CORIN: variants seen among roughly 807,000 people sequenced by gnomAD.
CORIN encodes the protein atrial natriuretic peptide-converting enzyme.
Under a neutral mutation model 125.3 loss-of-function variants are expected in CORIN, and 117 were observed. The ratio of observed to expected loss-of-function variants is 0.93; its 90% CI spans 0.80 to 1.09. The LOEUF (loss-of-function observed/expected upper bound fraction) is 1.09, where lower values mean the gene tolerates loss of function less well. CORIN is among the 50% of genes least tolerant of loss of function. CORIN has a pLI of 0.00. For synonymous variants in CORIN, 450 were observed against 466.4 expected, an observed-to-expected ratio of 0.96 and a Z score of 0.45; for missense variants, 1,253 against 1,306.7, an observed-to-expected ratio of 0.96 and a Z score of 0.63.
intron 6 of CORIN, among the ~76,000 whole-genome samples, chr4:47,686,519 A>G: frequency 6.6e-6 from 1 of 152,184 alleles, no homozygotes; most frequent in East Asian, 1.9e-4. Context: ...TGAGGCTACA[A>G]CACATGTGAC....
chr4:47,662,879 G>A (rs758940446), intron 11 of CORIN, among the ~76,000 whole-genome samples: 3 of 152,146 alleles, frequency 2.0e-5, no homozygotes, highest in Non-Finnish European at 4.4e-5. Context: ...ACAAAGCTCA[G>A]CATAACTCAA....
At chr4:47,795,230 T>A (rs996178672) in intron 2 of CORIN, among the ~76,000 whole-genome samples, 6 of 152,162 alleles carry the variant, frequency 3.9e-5, no homozygotes, top group Non-Finnish European at 7.4e-5. Context: ...ATTTGATGCC[T>A]CTATCTTTGT....
rs114077012 is a variant in CORIN at position 47,598,061 on chromosome 4, C to T, written c.2946+2153G>A. Among the ~76,000 whole-genome samples the T allele has an allele frequency of 3.0e-3, 458 of 152,152 alleles. 4 individuals are homozygous for T. The highest frequency in any genetic ancestry group is 0.011 in the African/African-American group (444 of 41,514). ...TAAGTGCAAAATGAAAGGTGAAAAG[C>T]AAGCAATTAAAAATGAAAGGGAGAC... On this transcript the variant is annotated intron_variant, in intron 21 of 21. Transcript: ENST00000273857.
At chr4:47,784,199 TA>T (rs1382086961) in intron 3 of CORIN, among the ~76,000 whole-genome samples, 1 of 152,208 alleles carries the variant, frequency 6.6e-6, no homozygotes, top group Non-Finnish European at 1.5e-5. Context: ...AAAAGTTCTA[TA>T]ATCACAGGCT....
intron 20 of CORIN, 54 bp from the exon 21 acceptor site, chr4:47,600,401 G>T: frequency 8.4e-7 from 1 of 1,196,002 alleles, no homozygotes; most frequent in Admixed American, 2.2e-5. Context: ...ACTCAAAAGT[G>T]AGGCTAGTGA....
At chr4:47,732,806 A>G (rs1727942608) in intron 5 of CORIN, among the ~76,000 whole-genome samples, 1 of 152,004 alleles carries the variant, frequency 6.6e-6, no homozygotes, top group Non-Finnish European at 1.5e-5. Flanking sequence ...CAAGTGATCC[A>G]CCATCCTTGG....
chr4:47,821,508 G>T (rs1030313403), intron 1 of CORIN, among the ~76,000 whole-genome samples: 41 of 151,644 alleles, frequency 2.7e-4, no homozygotes. Context: ...CTGTCTGAAT[G>T]TTTAATATTT....
At position 47,665,047 on chromosome 4, in the gene CORIN, T is replaced by C. The variant is rs11934749; in HGVS notation, c.1574A>G (p.His525Arg). ...VPKCDVNTGE[H>R]IPPCRALCEH... ...ATCATATTACCTGCAAGGAGGGATA[T>C]GCTCGCCTGTATTCACATCACATTT... is the stretch of plus-strand genomic sequence containing the variant. Residue 525 changes from histidine (H) to arginine (R), a missense_variant, in exon 11 of 22, where the codon CAT becomes CGT. Transcript: ENST00000273857. The C allele has an allele frequency of 0.87, 1,395,785 of 1,606,500 alleles. 608,342 individuals carry two copies. The highest frequency in any genetic ancestry group is 0.98 in the African/African-American group (73,125 of 74,870).
chr4:47,814,309 C>T (rs991804274), intron 1 of CORIN, among the ~76,000 whole-genome samples: 21 of 152,226 alleles, frequency 1.4e-4, no homozygotes, highest in African/African-American at 4.3e-4. Context: ...ACTCTACTTG[C>T]GGCTAGATAT....
In CORIN at chr4:47,737,476, A is replaced by G. The variant is rs182414135; in HGVS notation, c.799+6926T>C. Among the ~76,000 whole-genome samples the G allele has an allele frequency of 2.1e-3, 324 of 152,318 alleles. 1 individual carries two copies. The highest frequency in any genetic ancestry group is 7.3e-3 in the African/African-American group (305 of 41,568). On this transcript the variant is annotated intron_variant, in intron 5 of 21. Transcript: ENST00000273857. ...CTCTTCCCAGGAAGGACCACATCCA[A>G]TGACTGATTGAGGTGGAGACACATA... is the stretch of plus-strand genomic sequence containing the variant.
At chr4:47,695,438 T>C (rs903842570) in intron 5 of CORIN, among the ~76,000 whole-genome samples, 2 of 152,080 alleles carry the variant, frequency 1.3e-5, no homozygotes, top group African/African-American at 4.8e-5. Context: ...CTCCAGATTT[T>C]ATCTTTAAGA....
intron 3 of CORIN, among the ~76,000 whole-genome samples, chr4:47,780,860 A>C (rs1730510201): frequency 6.6e-6 from 1 of 152,124 alleles, no homozygotes; most frequent in African/African-American, 2.4e-5. Context: ...ATATGATGCC[A>C]ATGGTAACCA....
chr4:47,603,614 A>G lies in CORIN; in HGVS notation c.2595T>C (p.His865=). 6.2e-7 allele frequency: 1 copy of G among 1,614,182 alleles called. No individual in the cohort carries two copies. The highest frequency in any genetic ancestry group is 8.5e-7 in the Non-Finnish European group (1 of 1,180,024). ...KVVLGINNLD[H]PSVFMQTRFV... Reference sequence around the variant, plus strand: ...AGCGTGTCTGCATGAACACTGATGGATGGTCTAGATTGTTGATGCCAAGCA... The same window carrying G: ...AGCGTGTCTGCATGAACACTGATGGGTGGTCTAGATTGTTGATGCCAAGCA... The change falls in exon 20 of 22, where the codon CAT becomes CAC. Residue 865 remains histidine, a synonymous_variant. Transcript: ENST00000273857.
chr4:47,690,111 G>A (rs1291667899), intron 6 of CORIN, among the ~76,000 whole-genome samples: 2 of 152,190 alleles, frequency 1.3e-5, no homozygotes, highest in East Asian at 3.9e-4. Flanking sequence ...GATACCTGGA[G>A]TGCTCTTTAA....
At chr4:47,626,327 A>G in intron 17 of CORIN, 78 bp downstream of exon 17, 1 of 888,768 alleles carries the variant, frequency 1.1e-6, no homozygotes, top group Admixed American at 1.8e-5. Flanking sequence ...TCTTAAGTTA[A>G]AAAATGGAAG....
intron 2 of CORIN, among the ~76,000 whole-genome samples, chr4:47,803,322 C>T (rs1454417262): frequency 4.6e-5 from 7 of 152,050 alleles, no homozygotes; most frequent in Admixed American, 3.9e-4. Flanking sequence ...ATCCAAATAC[C>T]AAAGACATTC....
At chr4:47,702,429 T>C (rs1473185472) in intron 5 of CORIN, among the ~76,000 whole-genome samples, 1 of 152,160 alleles carries the variant, frequency 6.6e-6, no homozygotes, top group African/African-American at 2.4e-5. Flanking sequence ...AGACCTTTTT[T>C]AAATGTGTAA....
At chr4:47,680,758 TA>T (rs1560503007) in intron 7 of CORIN, 42 of 153,146 alleles carry the variant, frequency 2.7e-4, no homozygotes, top group South Asian at 4.0e-4. Context: ...TTTAATTGAT[TA>T]TCTTTTTTTT....
chr4:47,620,781 G>A (rs944662170), intron 19 of CORIN, among the ~76,000 whole-genome samples: 1 of 152,160 alleles, frequency 6.6e-6, no homozygotes, highest in African/African-American at 2.4e-5. Context: ...TTCACTTCCT[G>A]CCCGCACCAA....
Sources: gnomAD v4.1 joint callset for allele counts (sites outside exome capture counted in the v4.1 genomes callset) on GRCh38, gnomAD v4.1.1 for gene constraint, MANE v1.5 for transcripts, NCBI Gene and HGNC (gene_info 2026-07-23, HGNC 2026-07-21) for gene names.